COL5A1: variants seen among roughly 807,000 people sequenced by gnomAD.
The protein encoded by COL5A1 is collagen type V alpha 1 chain, also known as collagen alpha-1(V) chain.
In COL5A1, 16 loss-of-function variants were observed where a neutral mutation model predicts 263.7. The observed-to-expected ratio is 0.06, with a 90% confidence interval of 0.04 to 0.09. The LOEUF (loss-of-function observed/expected upper bound fraction) is 0.09, where lower values mean the gene tolerates loss of function less well. COL5A1 is among the 10% of genes least tolerant of loss of function. The pLI is 1.00. For synonymous variants in COL5A1, 1,012 were observed against 1,004.5 expected, an observed-to-expected ratio of 1.01 and a Z score of -0.14; for missense variants, 2,036 against 2,540.5, an observed-to-expected ratio of 0.80 and a Z score of 4.27.
intron 25 of COL5A1, among the ~76,000 whole-genome samples, chr9:134,772,048 T>G (rs1263214026): frequency 6.6e-6 from 1 of 152,182 alleles, no homozygotes; most frequent in East Asian, 1.9e-4. Flanking sequence ...AGGTCCTTCC[T>G]AGAGCCTCGG....
In COL5A1 at chr9:134,754,441, C is replaced by T; in HGVS notation, c.1827+115C>T. 8.1e-7 allele frequency: 1 copy of T among 1,233,080 alleles called. No individual in the cohort carries two copies. Among genetic ancestry groups the T allele is most frequent in the Admixed American group, 1.7e-5 (1 of 58,508 alleles). 76.4% of individuals were successfully genotyped at this position (1,233,080 alleles called of 1,614,324 possible). A position where few individuals can be genotyped will look rare whatever the true frequency, so the allele number is the denominator to read the frequency against. On this transcript the variant is annotated intron_variant, in intron 16 of 65. Transcript: ENST00000371817. This position sits in a 1 kb window ranked among gnomAD's most constrained non-coding sequence, Gnocchi z 4.3. Reference sequence around the variant, plus strand: ...CTGGGCCACATGAAGCCAGGTGGCTCCCCTTCTTGTGATGGGTGCGTCCAT... The same window carrying T: ...CTGGGCCACATGAAGCCAGGTGGCTTCCCTTCTTGTGATGGGTGCGTCCAT...
At chr9:134,785,893 T>C in intron 30 of COL5A1, 102 bp from the exon 31 acceptor site, 1 of 1,101,390 alleles carries the variant, frequency 9.1e-7, no homozygotes, top group Non-Finnish European at 1.4e-6. Flanking sequence ...AACCACACCC[T>C]CCTCCAGGCC....
intron 9 of COL5A1, among the ~76,000 whole-genome samples, chr9:134,737,557 C>T (rs1835147120): frequency 6.6e-6 from 1 of 152,222 alleles, no homozygotes; most frequent in Non-Finnish European, 1.5e-5. Context: ...CCTTGAGGAA[C>T]AGTCGCCCTG....
chr9:134,679,427 G>C (rs1419090815), intron 1 of COL5A1, among the ~76,000 whole-genome samples: 1 of 103,562 alleles, frequency 9.7e-6, no homozygotes, highest in Non-Finnish European at 2.0e-5. Context: ...GGGGCTGGTT[G>C]GGGGCACTGT....
intron 35 of COL5A1, among the ~76,000 whole-genome samples, 188 bp downstream of exon 35, chr9:134,796,606 T>TCGAC (rs1359187065): frequency 1.3e-5 from 2 of 152,164 alleles, no homozygotes; most frequent in African/African-American, 4.8e-5. Flanking sequence ...GTCAGGGGCC[T>TCGAC]CGACCGCAGC....
At position 134,642,316 on chromosome 9, in the gene COL5A1, CGG is replaced by C; in HGVS notation, c.109+23_109+24del. 6 of 791,936 alleles carry C rather than the reference CGG, an allele frequency of 7.6e-6. No individual in the cohort carries two copies. Among genetic ancestry groups the C allele is most frequent in the Non-Finnish European group, 9.8e-6 (6 of 611,706 alleles). 49.1% of individuals were successfully genotyped at this position (791,936 alleles called of 1,614,324 possible). ...GCGCAGGTAAGGGCGCCCCGGGGCG[CGG>C]GGCTGCGGGATGGGGCGCGCGCAGC... On this transcript the variant is annotated intron_variant, in intron 1 of 65. Coordinates refer to ENST00000371817, the MANE Select transcript of COL5A1 (RefSeq NM_000093.5). This position sits in a 1 kb window ranked among gnomAD's most constrained non-coding sequence, Gnocchi z 4.5.
rs145167598 is a variant in COL5A1, at chr9:134,678,105, G to A, written c.110-12807G>A. On this transcript the variant is annotated intron_variant, in intron 1 of 65. Coordinates refer to ENST00000371817, the MANE Select transcript of COL5A1 (RefSeq NM_000093.5). This position sits in a 1 kb window ranked among gnomAD's most constrained non-coding sequence, Gnocchi z 5.5. ...CTCCCTCCGCAGCAGGGTATCTGCA[G>A]GGGTCTTGGAGGCATTCTCCCAGCT... Among the ~76,000 whole-genome samples the A allele has an allele frequency of 2.9e-3, 446 of 152,332 alleles. 2 individuals carry two copies. Among genetic ancestry groups the A allele is most frequent in the African/African-American group, 0.01 (425 of 41,578 alleles).
chr9:134,654,310 AGG>A (rs1831824191), intron 1 of COL5A1, among the ~76,000 whole-genome samples: 1 of 33,270 alleles, frequency 3.0e-5, no homozygotes, highest in Non-Finnish European at 5.6e-5. Context: ...ATAGGGCTGG[AGG>A]AGTGTAGGGC....
At chr9:134,840,317 AG>A (rs1430183511) in intron 65 of COL5A1, among the ~76,000 whole-genome samples, 2 of 152,196 alleles carry the variant, frequency 1.3e-5, no homozygotes, top group African/African-American at 2.4e-5. Context: ...GGGCAGGGTC[AG>A]GGGAGAAGTG....
intron 63 of COL5A1, among the ~76,000 whole-genome samples, chr9:134,827,280 C>A (rs1045835996): frequency 2.6e-5 from 4 of 152,230 alleles, no homozygotes; most frequent in Admixed American, 2.6e-4. Flanking sequence ...AGCTCAGTAG[C>A]CACTTTGGGT....
At chr9:134,691,108 G>T (rs766421415) in intron 2 of COL5A1, 29 bp downstream of exon 2, 1 of 1,610,954 alleles carries the variant, frequency 6.2e-7, no homozygotes, top group Non-Finnish European at 8.5e-7. Context: ...TGTTTGGGGC[G>T]GTGGGTCCCG....
intron 4 of COL5A1, among the ~76,000 whole-genome samples, chr9:134,711,672 A>C (rs981459242): frequency 2.0e-5 from 3 of 152,064 alleles, no homozygotes; most frequent in Admixed American, 6.5e-5. Context: ...CCAGGCCTGG[A>C]TCTTTCTGGG....
intron 1 of COL5A1, among the ~76,000 whole-genome samples, chr9:134,690,336 C>G (rs564758209): frequency 6.6e-6 from 1 of 152,304 alleles, no homozygotes; most frequent in Non-Finnish European, 1.5e-5. Flanking sequence ...AGGCCAGTGA[C>G]ATCCCCGTGA....
At chr9:134,701,896 C>A (rs539751713) in intron 4 of COL5A1, among the ~76,000 whole-genome samples, 10 of 152,190 alleles carry the variant, frequency 6.6e-5, no homozygotes, top group Non-Finnish European at 1.5e-4. Flanking sequence ...GCTCTGGGAC[C>A]CTCACTTCAG....
intron 52 of COL5A1, 105 bp from the exon 53 acceptor site, chr9:134,816,921 C>A: frequency 9.6e-7 from 1 of 1,041,554 alleles, no homozygotes; most frequent in Non-Finnish European, 1.5e-6. Flanking sequence ...GAGGCGGCCG[C>A]AGGGCTGGCC....
At chr9:134,724,738 G>A (rs914726029) in intron 4 of COL5A1, among the ~76,000 whole-genome samples, 2 of 152,172 alleles carry the variant, frequency 1.3e-5, no homozygotes, top group Non-Finnish European at 2.9e-5. Flanking sequence ...CACAGCCACC[G>A]CGGCTGCAGG....
At chr9:134,803,738 G>C (rs561877174) in intron 39 of COL5A1, among the ~76,000 whole-genome samples, 12 of 152,242 alleles carry the variant, frequency 7.9e-5, no homozygotes, top group Admixed American at 6.5e-4. Context: ...AGCTACTCGG[G>C]AGGCTGAGGC....
intron 53 of COL5A1, 107 bp from the exon 54 acceptor site, chr9:134,817,671 T>A: frequency 9.9e-7 from 1 of 1,012,378 alleles, no homozygotes; most frequent in Non-Finnish European, 1.5e-6. Context: ...CTCGTCCCTC[T>A]GCCCCTGCAG....
chr9:134,780,021 C>T, intron 27 of COL5A1, 81 bp from the exon 28 acceptor site: 2 of 1,522,792 alleles, frequency 1.3e-6, no homozygotes, highest in South Asian at 1.1e-5. Flanking sequence ...CGAGCTCAGC[C>T]TGTCTTGACA....
Sources: allele counts gnomAD v4.1 joint callset (sites outside exome capture counted in the v4.1 genomes callset), GRCh38; gene constraint gnomAD v4.1.1; non-coding constraint Gnocchi (gnomAD v3.1); transcripts MANE v1.5; gene names NCBI Gene and HGNC (gene_info 2026-07-23, HGNC 2026-07-21).